WDR62: variants seen among roughly 807,000 people sequenced by gnomAD.
The protein encoded by WDR62 is WD repeat domain 62.
Under a neutral mutation model 160.6 loss-of-function variants are expected in WDR62, and 112 were observed. The observed-to-expected ratio is 0.70, with a 90% CI of 0.60 to 0.82. The LOEUF (loss-of-function observed/expected upper bound fraction) is 0.82, where lower values mean the gene tolerates loss of function less well. WDR62 is among the 40% of genes least tolerant of loss of function. The pLI, the probability that WDR62 is intolerant of heterozygous loss-of-function variation, is 0.00. For missense variants in WDR62, 1,819 were observed against 1,983.8 expected (o/e 0.92, Z 1.58); for synonymous variants, 792 against 815.1 (o/e 0.97, Z 0.48).
intron 25 of WDR62, 37 bp downstream of exon 25, chr19:36,101,811 C>G (rs1162456571): frequency 3.3e-6 from 5 of 1,533,068 alleles, no homozygotes; most frequent in Non-Finnish European, 4.4e-6. Flanking sequence ...ACTCGCTGCT[C>G]GGGCCTGGCT....
chr19:36,090,286 A>G (rs1013738591), intron 15 of WDR62, among the ~76,000 whole-genome samples, 159 bp from the exon 16 acceptor site: 2 of 152,108 alleles, frequency 1.3e-5, no homozygotes, highest in African/African-American at 4.8e-5. Flanking sequence ...CCCCAGGACA[A>G]CCTCAGCTTG....
intron 10 of WDR62, 30 bp from the exon 11 acceptor site, chr19:36,083,033 G>T: frequency 6.2e-7 from 1 of 1,601,234 alleles, no homozygotes; most frequent in Non-Finnish European, 8.5e-7. Context: ...TGAGCTGCTC[G>T]TGCTGACCTC....
chr19:36,094,510 C>T (rs1049181157), intron 20 of WDR62, among the ~76,000 whole-genome samples: 12 of 151,744 alleles, frequency 7.9e-5, no homozygotes, highest in South Asian at 4.2e-4. Flanking sequence ...GCTGAGATCG[C>T]GCCACTGCAC....
rs141465038 is a variant in WDR62 at position 36,102,417 on chromosome 19, C to T, written c.3220+266C>T. On this transcript the variant is annotated intron_variant, in intron 26 of 31. Coordinates refer to ENST00000401500, the MANE Select transcript of WDR62 (RefSeq NM_001083961.2). ...CTGGGATTATAGGCATCCACAACCA[C>T]GCCCTGCTAATTTTTTGTATTTTTA... 155 of 589,508 alleles carry T rather than the reference C, an allele frequency of 2.6e-4. No homozygotes were observed. In the East Asian group the frequency reaches 3.7e-3, roughly 14 times the overall value. 36.5% of individuals were successfully genotyped at this position (589,508 alleles called of 1,614,324 possible). A position where few individuals can be genotyped will look rare whatever the true frequency, so the allele number is the denominator to read the frequency against.
Position 36,091,266 on chromosome 19 carries a change from G to A in WDR62, c.2101G>A (p.Asp701Asn), listed in dbSNP as rs767738206. Reference sequence around the variant, plus strand: ...CTCTGACAAAAGCATCTCAGTGATTGACTTTTACTCGGGCGAGTGCATTGC... The same window carrying A: ...CTCTGACAAAAGCATCTCAGTGATTAACTTTTACTCGGGCGAGTGCATTGC... Reference protein sequence around the residue: ...SCSDKSISVIDFYSGECIAKM... With the variant: ...SCSDKSISVINFYSGECIAKM... The change falls in exon 17 of 32, where the codon GAC becomes AAC. Residue 701 changes from aspartate (D) to asparagine (N), a missense_variant. Physicochemically the swap from Asp to Asn is conservative, Grantham distance 23. This residue lies in a region of WDR62 where 934 missense variants were observed against 1,157.2 expected (regional missense o/e 0.81). Coordinates refer to ENST00000401500, the MANE Select transcript of WDR62 (RefSeq NM_001083961.2). The A allele has an allele frequency of 2.5e-6, 4 of 1,613,646 alleles. No individual in the cohort carries two copies. Among genetic ancestry groups the A allele is most frequent in the African/African-American group, 2.7e-5 (2 of 74,924 alleles).
In WDR62 at chr19:36,092,759, C is replaced by T. The variant is rs61744321; in HGVS notation, c.2281C>T (p.His761Tyr). The change falls in exon 19 of 32, where the codon CAC (histidine) becomes TAC (tyrosine). Residue 761 changes from histidine (H) to tyrosine (Y), a missense_variant. Physicochemically the swap from His to Tyr is moderately conservative, Grantham distance 83. This residue lies in a region of WDR62 where 934 missense variants were observed against 1,157.2 expected (regional missense o/e 0.81). Coordinates refer to ENST00000401500, the MANE Select transcript of WDR62 (RefSeq NM_001083961.2). The part of the protein sequence containing the change: ...CMKQHLLEID[H>Y]RQQQQHTNDK... Reference sequence around the variant, plus strand: ...GAAGCAGCACTTGCTGGAGATTGACCACCGGCAGCAGCAGCAGCACACAAA... The same window carrying T: ...GAAGCAGCACTTGCTGGAGATTGACTACCGGCAGCAGCAGCAGCACACAAA... 4,942 of 1,614,130 alleles carry T rather than the reference C, an allele frequency of 3.1e-3. 126 individuals carry two copies. The African/African-American group carries it at 0.057, about 19-fold the overall frequency.
At chr19:36,106,391 G>C (rs1278996407), downstream of WDR62, among the ~76,000 whole-genome samples, 2 of 149,876 alleles carry the variant, frequency 1.3e-5, no homozygotes, top group Non-Finnish European at 3.0e-5. Context: ...AATCCTGCCA[G>C]TTCCCACCCA....
rs1972529051 is a variant in WDR62, at chr19:36,090,521, G to A, written c.2034+1G>A. On this transcript the variant is annotated splice_donor_variant, in intron 16 of 31. Transcript: ENST00000401500. LOFTEE classifies it high-confidence loss of function. ...GGGTGACGAAGGGTCCTTGCTGAAG[G>A]TGAGGAGTTGGAGACCCCTGTCTGT... 6.2e-7 allele frequency: 1 copy of A among 1,614,070 alleles called. No individual in the cohort carries two copies. Among genetic ancestry groups the A allele is most frequent in the Non-Finnish European group, 8.5e-7 (1 of 1,179,976 alleles).
At chr19:36,080,161 G>A (rs894186797) in intron 9 of WDR62, among the ~76,000 whole-genome samples, 3 of 151,520 alleles carry the variant, frequency 2.0e-5, no homozygotes, top group African/African-American at 7.3e-5. Flanking sequence ...AGGCTGGAGT[G>A]CAGTGGCGTG....
chr19:36,096,802 C>G (rs1162181748), intron 20 of WDR62, among the ~76,000 whole-genome samples: 2 of 152,162 alleles, frequency 1.3e-5, no homozygotes, highest in Non-Finnish European at 1.5e-5. Flanking sequence ...TGTCCCCACA[C>G]TTTTCCTGCC....
intron 7 of WDR62, among the ~76,000 whole-genome samples, chr19:36,069,495 T>G (rs1370541569): frequency 1.3e-5 from 2 of 149,592 alleles, no homozygotes; most frequent in Non-Finnish European, 3.0e-5. Flanking sequence ...GAGGCGCTCC[T>G]CACTTCCCAG....
rs1973478183 is a variant in WDR62, at chr19:36,103,060, C to G, written c.3448C>G (p.Pro1150Ala). ...QPRAGTGYAS[P>A]DRTHVLAAGK... ...CAGAGCAGGTACTGGCTACGCCTCC[C>G]CAGACAGGACCCACGTGAGTATTGG... Residue 1150 changes from proline (P) to alanine (A), a missense_variant, in exon 28 of 32, where the codon CCA (proline) becomes GCA (alanine). Pro to Ala is a conservative substitution (Grantham distance 27, BLOSUM62 -1). Coordinates refer to ENST00000401500, the MANE Select transcript of WDR62 (RefSeq NM_001083961.2). 1.2e-6 allele frequency: 2 copies of G among 1,614,078 alleles called. No individual in the cohort carries two copies. Among genetic ancestry groups the G allele is most frequent in the African/African-American group, 2.7e-5 (2 of 75,066 alleles).
chr19:36,107,698 C>G (rs1036275691), downstream of WDR62, among the ~76,000 whole-genome samples: 9 of 152,030 alleles, frequency 5.9e-5, no homozygotes, highest in East Asian at 3.9e-4. Flanking sequence ...GCAGCTCAAA[C>G]AAAGAGGTTC....
chr19:36,104,926 A>T lies in WDR62; in HGVS notation c.4470A>T (p.Pro1490=). The stretch of plus-strand genomic sequence containing the variant: ...TGCCCAGCCCAGGACCCCCGTCCCC[A>T]CCGACGCTGTACCCCCTGGCCAGCC... ...QALPSPGPPS[P]PTLYPLASPD... is the part of the protein sequence containing the mutation. Residue 1490 remains proline, a synonymous_variant, in exon 32 of 32, where the codon CCA becomes CCT. Coordinates refer to ENST00000401500, the MANE Select transcript of WDR62 (RefSeq NM_001083961.2). The T allele has an allele frequency of 6.2e-7, 1 of 1,609,230 alleles. No homozygotes were observed. The highest frequency in any genetic ancestry group is 8.5e-7 in the Non-Finnish European group (1 of 1,179,092).
At chr19:36,081,326 G>A (rs138592832) in intron 9 of WDR62, 107 bp from the exon 10 acceptor site, 77 of 1,330,870 alleles carry the variant, frequency 5.8e-5, no homozygotes, top group Non-Finnish European at 7.4e-5. Flanking sequence ...GGTATTGCAC[G>A]ATACCTGTTT....
chr19:36,106,654 C>T (rs966861558), downstream of WDR62, among the ~76,000 whole-genome samples: 2 of 152,152 alleles, frequency 1.3e-5, no homozygotes, highest in South Asian at 4.1e-4. Flanking sequence ...GGCAGCCACA[C>T]GTGATCTGTG....
rs1309392656 is a variant in WDR62, at chr19:36,063,223, G to A, written c.333-2735G>A. Among the ~76,000 whole-genome samples, 3 of 138,134 alleles carry A rather than the reference G, an allele frequency of 2.2e-5. No individual in the cohort carries two copies. The East Asian group carries it at 6.8e-4, about 31-fold the overall frequency. The allele number at this position is 138,134 out of a possible 152,430, so 90.6% of individuals were successfully genotyped here. A position where few individuals can be genotyped will look rare whatever the true frequency, so the allele number is the denominator to read the frequency against. ...CTCCCAAAGTGCTGGGATTACAGGC[G>A]TGAGCCACAGCACCTGGCCACTTTT... On this transcript the variant is annotated intron_variant, in intron 3 of 31. Coordinates refer to ENST00000401500, the MANE Select transcript of WDR62 (RefSeq NM_001083961.2).
intron 29 of WDR62, 54 bp downstream of exon 29, chr19:36,103,261 A>T (rs545580519): frequency 1.5e-5 from 24 of 1,611,556 alleles, no homozygotes; most frequent in South Asian, 3.3e-5. Flanking sequence ...GAGTGGCCGG[A>T]TGTCCAGCCT....
chr19:36,065,396 G>A (rs1288900584), intron 3 of WDR62, among the ~76,000 whole-genome samples: 1 of 152,232 alleles, frequency 6.6e-6, no homozygotes, highest in African/African-American at 2.4e-5. Context: ...CATACAATCT[G>A]GGAACAGTGA....
Sources: gnomAD v4.1 joint callset for allele counts (sites outside exome capture counted in the v4.1 genomes callset) on GRCh38, gnomAD v4.1.1 for gene constraint, gnomAD v4.1.1 regional missense constraint, MANE v1.5 for transcripts, NCBI Gene and HGNC (gene_info 2026-07-23, HGNC 2026-07-21) for gene names.